Variants in DAP observed in about 807,000 individuals in gnomAD.
DAP encodes the protein death-associated protein 1.
In DAP, 8 loss-of-function variants were observed where a neutral mutation model predicts 13.8. That is an observed-to-expected ratio of 0.58 (90% confidence interval 0.34 to 1.05). DAP has a LOEUF of 1.05. DAP is among the 50% of genes least tolerant of loss of function. The pLI, the probability that DAP is intolerant of heterozygous loss-of-function variation, is 0.03. For synonymous variants in DAP, 47 were observed against 47.5 expected, an observed-to-expected ratio of 0.99 and a Z score of 0.04; for missense variants, 106 against 133.2, an observed-to-expected ratio of 0.80 and a Z score of 1.01.
rs112913152 is a variant in DAP, at chr5:10,738,432, T to C, written c.152+9743A>G. ...AAAGCTGGCATCACCGGCCATGAGATGGGGAGTGTCGTGTACCTCCTGATC... is the reference window on the plus strand; with the variant it reads ...AAAGCTGGCATCACCGGCCATGAGACGGGGAGTGTCGTGTACCTCCTGATC... On this transcript the variant is annotated intron_variant, in intron 2 of 3. Transcript: ENST00000230895. Among the ~76,000 whole-genome samples, 719 of 152,348 alleles carry C rather than the reference T, an allele frequency of 4.7e-3. 4 individuals are homozygous for C. Among genetic ancestry groups the C allele is most frequent in the South Asian group, 0.021 (101 of 4,828 alleles).
At chr5:10,730,489 T>G (rs540459709) in intron 2 of DAP, among the ~76,000 whole-genome samples, 8 of 147,988 alleles carry the variant, frequency 5.4e-5, no homozygotes, top group African/African-American at 2.0e-4. Context: ...GTTGGGGCAA[T>G]CTTTCTGTAC....
At chr5:10,738,147 A>G (rs141219784) in intron 2 of DAP, among the ~76,000 whole-genome samples, 6 of 152,346 alleles carry the variant, frequency 3.9e-5, no homozygotes, top group Non-Finnish European at 7.4e-5. Context: ...TGAGATGACA[A>G]ATGTGTTATT....
At chr5:10,693,306 T>C (rs781028464) in intron 2 of DAP, among the ~76,000 whole-genome samples, 22 of 152,242 alleles carry the variant, frequency 1.4e-4, no homozygotes, top group Non-Finnish European at 2.8e-4. Flanking sequence ...CTACTCAAGT[T>C]ATCCTCTGCA....
intron 2 of DAP, among the ~76,000 whole-genome samples, chr5:10,730,732 AGAG>A (rs1739434649): frequency 2.5e-5 from 2 of 81,270 alleles, no homozygotes; most frequent in Admixed American, 3.5e-4. Context: ...TTCTGTACTG[AGAG>A]CCCTGGTGGG....
chr5:10,761,007 T>C lies in DAP; in HGVS notation c.55+7A>G, dbSNP rs763398169. 1 of 1,232,424 alleles carries C rather than the reference T, an allele frequency of 8.1e-7. No individual in the cohort carries two copies. Among genetic ancestry groups the C allele is most frequent in the Admixed American group, 4.0e-5 (1 of 24,730 alleles). 76.3% of individuals were successfully genotyped at this position (1,232,424 alleles called of 1,614,324 possible). On this transcript the variant is annotated splice_region_variant and intron_variant, in intron 1 of 3. Transcript: ENST00000230895. ...CGCGCGTGGAGAGAGAGGAAAAGAGTCAGTACCGGCGGGCGGGTGTCCAGC... is the reference window on the plus strand; with the variant it reads ...CGCGCGTGGAGAGAGAGGAAAAGAGCCAGTACCGGCGGGCGGGTGTCCAGC...
intron 2 of DAP, among the ~76,000 whole-genome samples, chr5:10,711,737 GC>G (rs2014095556): frequency 6.6e-6 from 1 of 152,224 alleles, no homozygotes; most frequent in African/African-American, 2.4e-5. Context: ...TCTGAATAGA[GC>G]CTCAAGAACT....
At chr5:10,714,552 G>A (rs1247189881) in intron 2 of DAP, among the ~76,000 whole-genome samples, 1 of 152,092 alleles carries the variant, frequency 6.6e-6, no homozygotes, top group Non-Finnish European at 1.5e-5. Flanking sequence ...AACAAAGTCA[G>A]GAAAAATATA....
chr5:10,754,273 T>C (rs1420065340), intron 1 of DAP, among the ~76,000 whole-genome samples: 3 of 152,178 alleles, frequency 2.0e-5, no homozygotes, highest in African/African-American at 7.2e-5. Context: ...AAGACCCCAA[T>C]GAGAACCTTG....
At chr5:10,711,420 G>C (rs981828689) in intron 2 of DAP, among the ~76,000 whole-genome samples, 1 of 152,228 alleles carries the variant, frequency 6.6e-6, no homozygotes, top group African/African-American at 2.4e-5. Context: ...TCACCGGGGC[G>C]TAACTGCCCT....
intron 3 of DAP, 144 bp from the exon 4 acceptor site, chr5:10,681,313 C>G (rs1004295742): frequency 3.1e-6 from 2 of 651,958 alleles, no homozygotes; most frequent in African/African-American, 1.9e-5. Flanking sequence ...CATCCACCAG[C>G]GTCCCTGTAG....
intron 2 of DAP, among the ~76,000 whole-genome samples, chr5:10,692,042 G>C (rs974039697): frequency 2.6e-5 from 4 of 152,216 alleles, no homozygotes; most frequent in Admixed American, 2.0e-4. Flanking sequence ...CAGTGACTGA[G>C]TAACCCTGTG....
At chr5:10,758,404 T>C (rs62336802) in intron 1 of DAP, among the ~76,000 whole-genome samples, 10 of 90,964 alleles carry the variant, frequency 1.1e-4, no homozygotes, top group East Asian at 9.9e-4. Flanking sequence ...CTGTTGGCAT[T>C]TGAGGGGTGC....
intron 2 of DAP, among the ~76,000 whole-genome samples, chr5:10,696,674 G>C (rs1056687008): frequency 3.9e-5 from 6 of 152,230 alleles, no homozygotes; most frequent in Non-Finnish European, 8.8e-5. Flanking sequence ...TGTAAAGACA[G>C]TCTAGAAATT....
At chr5:10,682,273 A>G (rs1738037428) in intron 3 of DAP, among the ~76,000 whole-genome samples, 2 of 150,504 alleles carry the variant, frequency 1.3e-5, no homozygotes, top group African/African-American at 4.9e-5. Flanking sequence ...TGCAGGAAGC[A>G]TGGGGTTTGT....
chr5:10,723,750 T>C (rs1308031512), intron 2 of DAP, among the ~76,000 whole-genome samples: 1 of 152,226 alleles, frequency 6.6e-6, no homozygotes, highest in East Asian at 1.9e-4. Context: ...TCCTACCTCA[T>C]TAAAGATCTC....
At chr5:10,699,552 A>G (rs1042661519) in intron 2 of DAP, among the ~76,000 whole-genome samples, 3 of 152,336 alleles carry the variant, frequency 2.0e-5, no homozygotes, top group South Asian at 2.1e-4. Context: ...GGCTGTCTCT[A>G]TTTTGATGTG....
At chr5:10,719,183 C>T (rs1579803086) in intron 2 of DAP, among the ~76,000 whole-genome samples, 1 of 152,190 alleles carries the variant, frequency 6.6e-6, no homozygotes, top group East Asian at 1.9e-4. Context: ...GGCACAATGC[C>T]TAGGGGGCCT....
At chr5:10,748,743 A>G (rs981394859) in intron 1 of DAP, among the ~76,000 whole-genome samples, 2 of 152,252 alleles carry the variant, frequency 1.3e-5, no homozygotes, top group African/African-American at 4.8e-5. Context: ...GCAAGTGGCA[A>G]CAAAACTTCT....
At chr5:10,730,509 G>A (rs1739417964) in intron 2 of DAP, among the ~76,000 whole-genome samples, 3 of 149,572 alleles carry the variant, frequency 2.0e-5, no homozygotes, top group South Asian at 2.1e-4. Context: ...CTGAGAGACC[G>A]GGTCGGGGGG....
Sources: allele counts gnomAD v4.1 joint callset (sites outside exome capture counted in the v4.1 genomes callset), GRCh38; gene constraint gnomAD v4.1.1; transcripts MANE v1.5; gene names NCBI Gene and HGNC (gene_info 2026-07-23, HGNC 2026-07-21).